RCC1: variants seen among roughly 807,000 people sequenced by gnomAD.
RCC1 encodes the protein regulator of chromosome condensation 1.
In RCC1, 11 loss-of-function variants were observed where a neutral mutation model predicts 44.4. The ratio of observed to expected loss-of-function variants is 0.25; its 90% CI spans 0.16 to 0.41. The LOEUF (loss-of-function observed/expected upper bound fraction) is 0.41, where lower values mean the gene tolerates loss of function less well. Ranked by LOEUF, RCC1 falls within the 10% of genes least tolerant of loss-of-function variation. RCC1 has a pLI of 1.00. For missense variants in RCC1, 386 were observed against 547.1 expected (o/e 0.71, Z 2.94); for synonymous variants, 213 against 216.5 (o/e 0.98, Z 0.14).
chr1:28,512,649 C>T (rs959970519), intron 3 of RCC1, among the ~76,000 whole-genome samples: 1 of 152,116 alleles, frequency 6.6e-6, no homozygotes, highest in East Asian at 1.9e-4. Context: ...TAAATTTCCT[C>T]CAGATACTGT....
chr1:28,538,243 G>C lies in RCC1; in HGVS notation c.*236G>C, dbSNP rs868594204. The stretch of plus-strand genomic sequence containing the variant: ...GACAGGGGGTTTTCAAAAGGAACAT[G>C]GCTCACTCAGAGCTATATGGTTAGA... On this transcript the variant is annotated 3_prime_UTR_variant, in exon 13 of 13. Coordinates refer to ENST00000683442, the MANE Select transcript of RCC1 (RefSeq NM_001381865.2). 2 of 443,062 alleles carry C rather than the reference G, an allele frequency of 4.5e-6. No homozygotes were observed. The highest frequency in any genetic ancestry group is 7.3e-5 in the Admixed American group (2 of 27,398). The allele number at this position is 443,062 out of a possible 1,614,324, so 27.4% of individuals were successfully genotyped here.
At chr1:28,530,553 C>G in intron 5 of RCC1, 4 of 1,606,190 alleles carry the variant, frequency 2.5e-6, no homozygotes, top group African/African-American at 1.3e-5. Flanking sequence ...CGCCGCGTTC[C>G]TGGCGCCCGC....
intron 7 of RCC1, 138 bp from the exon 8 acceptor site, chr1:28,534,912 T>C (rs1468915400): frequency 7.2e-6 from 5 of 696,970 alleles, no homozygotes; most frequent in Non-Finnish European, 1.1e-5. Context: ...CCATAAATGA[T>C]TTCATTCATA....
chr1:28,532,598 C>T, intron 7 of RCC1: 1 of 528,020 alleles, frequency 1.9e-6, no homozygotes, highest in Non-Finnish European at 3.5e-6. Context: ...AAGGATGTCC[C>T]TGGGTTGAGG....
rs1354817736 is a variant in RCC1 at position 28,508,850 on chromosome 1, TCG to T, written c.-206_-205del. 1.9e-6 allele frequency: 1 copy of T among 517,660 alleles called. No homozygotes were observed. The highest frequency in any genetic ancestry group is 3.9e-6 in the Non-Finnish European group (1 of 259,460). 32.1% of individuals were successfully genotyped at this position (517,660 alleles called of 1,614,324 possible). On this transcript the variant is annotated 5_prime_UTR_variant, in exon 3 of 13. Transcript: ENST00000683442. Reference sequence around the variant, plus strand: ...TTTAGGAGAGAAGACGATCTGCACTTCGCATTTTGGCATTGACATTTAATTTT... The same window carrying T: ...TTTAGGAGAGAAGACGATCTGCACTTCATTTTGGCATTGACATTTAATTTT...
intron 6 of RCC1, 75 bp downstream of exon 6, chr1:28,532,065 G>A (rs763844000): frequency 1.6e-5 from 25 of 1,559,674 alleles, no homozygotes; most frequent in East Asian, 4.5e-5. Flanking sequence ...TTTGAACCAC[G>A]CATGTTCACT....
chr1:28,506,656 TTA>T (rs1045944687), intron 1 of RCC1: 2 of 174,592 alleles, frequency 1.1e-5, no homozygotes, highest in African/African-American at 4.8e-5. Flanking sequence ...CCCCCACTGT[TTA>T]TCTTACTGCC....
At chr1:28,526,465 T>C in intron 4 of RCC1, 2 of 536,358 alleles carry the variant, frequency 3.7e-6, no homozygotes, top group Non-Finnish European at 3.6e-6. Context: ...GCACCATTCT[T>C]TCTTGGTGTA....
At chr1:28,521,812 A>G (rs982014015) in intron 4 of RCC1, among the ~76,000 whole-genome samples, 2 of 152,150 alleles carry the variant, frequency 1.3e-5, no homozygotes, top group African/African-American at 4.8e-5. Flanking sequence ...GGCCAAGTGC[A>G]TAGGGGATAC....
At chr1:28,522,587 C>T (rs1342816935) in intron 4 of RCC1, among the ~76,000 whole-genome samples, 2 of 151,718 alleles carry the variant, frequency 1.3e-5, no homozygotes, top group Non-Finnish European at 2.9e-5. Flanking sequence ...GTGGGAGGAT[C>T]ACTTGAGCCC....
intron 4 of RCC1, among the ~76,000 whole-genome samples, chr1:28,528,463 AAAAAC>A (rs1026228805): frequency 6.6e-6 from 1 of 152,154 alleles, no homozygotes; most frequent in South Asian, 2.1e-4. Context: ...TCAAAAAAAC[AAAAAC>A]AAAACAAAAC....
At chr1:28,510,044 G>A (rs1403965910) in intron 3 of RCC1, 1 of 152,206 alleles carries the variant, frequency 6.6e-6, no homozygotes, top group Non-Finnish European at 1.5e-5. Flanking sequence ...CCCCTGCACT[G>A]GCTGCCAACA....
At position 28,536,767 on chromosome 1, in the gene RCC1, C is replaced by T. The variant is rs1249308769; in HGVS notation, c.958C>T (p.Arg320Trp). The change falls in exon 12 of 13, where the codon CGG becomes TGG. Residue 320 changes from arginine (R) to tryptophan (W), a missense_variant. By Grantham distance (101) the Arg-to-Trp change is moderately radical. Coordinates refer to ENST00000683442, the MANE Select transcript of RCC1 (RefSeq NM_001381865.2). This position sits in a 1 kb window ranked among gnomAD's most constrained non-coding sequence, Gnocchi z 4.9. ...DSEGKAYSLG[R>W]AEYGRLGLGE... ...CATAGGAAAAGCATACAGCCTGGGC[C>T]GGGCTGAGTATGGGCGGCTGGGCCT... is the stretch of plus-strand genomic sequence containing the variant. The T allele has an allele frequency of 7.4e-6, 12 of 1,613,976 alleles. No individual in the cohort carries two copies. Among genetic ancestry groups the T allele is most frequent in the Admixed American group, 3.3e-5 (2 of 59,974 alleles).
intron 4 of RCC1, among the ~76,000 whole-genome samples, chr1:28,525,712 G>T (rs187614550): frequency 3.3e-5 from 5 of 152,308 alleles, no homozygotes; most frequent in Middle Eastern, 3.4e-3. Context: ...GCCTGCAAAG[G>T]CTTATCAGGA....
intron 4 of RCC1, among the ~76,000 whole-genome samples, chr1:28,524,095 G>A (rs1570193146): frequency 1.3e-5 from 2 of 152,208 alleles, no homozygotes; most frequent in African/African-American, 4.8e-5. Context: ...GATTACAGGC[G>A]TGAGCCACCG....
intron 1 of RCC1, chr1:28,507,751 C>T: frequency 3.0e-6 from 1 of 338,844 alleles, no homozygotes; most frequent in South Asian, 2.3e-5. Flanking sequence ...GGATTACAGG[C>T]CCCCGCCACC....
Position 28,537,983 on chromosome 1 carries a change from A to T in RCC1, c.1242A>T (p.Leu414Phe), listed in dbSNP as rs1450379006. The T allele has an allele frequency of 6.2e-7, 1 of 1,613,810 alleles. No individual in the cohort carries two copies. The highest frequency in any genetic ancestry group is 8.5e-7 in the Non-Finnish European group (1 of 1,179,906). ...VSSGGQHTVL[L>F]VKDKEQS ...GCGGGGGCCAGCATACAGTCTTATT[A>T]GTCAAGGACAAAGAACAGAGCTGAT... Residue 414 changes from leucine (L) to phenylalanine (F), a missense_variant, in exon 13 of 13, where the codon TTA becomes TTT. Transcript: ENST00000683442.
intron 4 of RCC1, among the ~76,000 whole-genome samples, chr1:28,519,679 C>G (rs1663147235): frequency 1.3e-5 from 2 of 151,554 alleles, no homozygotes; most frequent in South Asian, 4.2e-4. Flanking sequence ...GCAATTCTGC[C>G]TCAGCCTGCT....
At chr1:28,518,491 G>A (rs1453908036) in intron 4 of RCC1, 7 of 149,870 alleles carry the variant, frequency 4.7e-5, no homozygotes, top group Non-Finnish European at 7.4e-5. Flanking sequence ...GCGATTCCCC[G>A]GCCCCGCGGG....
Sources: allele counts gnomAD v4.1 joint callset (sites outside exome capture counted in the v4.1 genomes callset), GRCh38; gene constraint gnomAD v4.1.1; non-coding constraint Gnocchi (gnomAD v3.1); transcripts MANE v1.5; gene names NCBI Gene and HGNC (gene_info 2026-07-23, HGNC 2026-07-21).